Variants in KCNJ6 observed in about 807,000 individuals in gnomAD.
The protein encoded by KCNJ6 is potassium inwardly rectifying channel subfamily J member 6, also known as G protein-activated inward rectifier potassium channel 2.
KCNJ6 carries 9 observed loss-of-function variants against 34.2 expected under a neutral mutation model. That is an observed-to-expected ratio of 0.26 (90% confidence interval 0.16 to 0.46). The LOEUF (loss-of-function observed/expected upper bound fraction) is 0.46, where lower values mean the gene tolerates loss of function less well. Among genes scored for constraint, KCNJ6 ranks in the 20% least tolerant of loss-of-function variants. KCNJ6 has a pLI of 1.00. For synonymous variants in KCNJ6, 196 were observed against 207.1 expected, an observed-to-expected ratio of 0.95 and a Z score of 0.46; for missense variants, 236 against 531.3, an observed-to-expected ratio of 0.44 and a Z score of 5.46.
chr21:37,708,173 T>C (rs2054731244), intron 3 of KCNJ6, among the ~76,000 whole-genome samples: 1 of 152,224 alleles, frequency 6.6e-6, no homozygotes, highest in African/African-American at 2.4e-5. Context: ...CAGTAATATA[T>C]GGTGACCTTG....
intron 2 of KCNJ6, among the ~76,000 whole-genome samples, chr21:37,726,213 C>T (rs762739487): frequency 3.7e-4 from 56 of 152,186 alleles, no homozygotes; most frequent in Non-Finnish European, 7.9e-4. Flanking sequence ...GCCAGGCTTA[C>T]ATTTAAAATC....
intron 2 of KCNJ6, among the ~76,000 whole-genome samples, chr21:37,760,180 T>C (rs2055053611): frequency 6.6e-6 from 1 of 152,216 alleles, no homozygotes; most frequent in East Asian, 1.9e-4. Flanking sequence ...AAGCTGGTCC[T>C]GAATTCCTGA....
intron 3 of KCNJ6, among the ~76,000 whole-genome samples, chr21:37,680,598 C>T (rs2054586504): frequency 6.6e-6 from 1 of 152,160 alleles, no homozygotes; most frequent in South Asian, 2.1e-4. Flanking sequence ...TCTGCTGAAG[C>T]CCTGAACAGA....
chr21:37,739,333 G>T (rs2054928270), intron 2 of KCNJ6, among the ~76,000 whole-genome samples: 1 of 152,220 alleles, frequency 6.6e-6, no homozygotes. Context: ...AGAACATCCA[G>T]TACTGAGGAA....
chr21:37,782,301 G>A (rs186696681), intron 2 of KCNJ6, among the ~76,000 whole-genome samples: 3 of 152,296 alleles, frequency 2.0e-5, no homozygotes, highest in Admixed American at 2.0e-4. Flanking sequence ...CTGACCTCCA[G>A]AACTGGCAGA....
intron 1 of KCNJ6, among the ~76,000 whole-genome samples, chr21:37,851,332 G>A (rs1356596968): frequency 6.6e-6 from 1 of 152,134 alleles, no homozygotes; most frequent in East Asian, 1.9e-4. Flanking sequence ...AAAAGTGTAG[G>A]GTGCAGAAAG....
intron 2 of KCNJ6, among the ~76,000 whole-genome samples, chr21:37,832,773 G>C (rs1410288929): frequency 6.6e-6 from 1 of 152,124 alleles, no homozygotes; most frequent in Non-Finnish European, 1.5e-5. Context: ...GCTCCACTGG[G>C]AGCCTGGAGG....
At chr21:37,648,832 C>T (rs1335014117) in intron 3 of KCNJ6, among the ~76,000 whole-genome samples, 1 of 151,958 alleles carries the variant, frequency 6.6e-6, no homozygotes, top group African/African-American at 2.4e-5. Flanking sequence ...ATCAGGTCAC[C>T]TACAGAAAGG....
intron 3 of KCNJ6, among the ~76,000 whole-genome samples, chr21:37,658,109 G>A (rs983483672): frequency 6.8e-6 from 1 of 147,836 alleles, no homozygotes; most frequent in Non-Finnish European, 1.5e-5. Flanking sequence ...TTCTAACCTG[G>A]TGGGGGCAGG....
intron 2 of KCNJ6, among the ~76,000 whole-genome samples, chr21:37,727,082 A>G (rs1300138305): frequency 1.3e-5 from 2 of 152,182 alleles, no homozygotes; most frequent in Non-Finnish European, 2.9e-5. Context: ...CAGAGACTGC[A>G]GAGATGTGGT....
intron 2 of KCNJ6, among the ~76,000 whole-genome samples, chr21:37,732,863 C>A (rs924893246): frequency 6.6e-6 from 1 of 152,156 alleles, no homozygotes; most frequent in African/African-American, 2.4e-5. Flanking sequence ...GCAGTGACCA[C>A]ATAGTTGAGG....
intron 2 of KCNJ6, among the ~76,000 whole-genome samples, chr21:37,734,223 C>T (rs562256281): frequency 4.1e-4 from 62 of 152,192 alleles, no homozygotes; most frequent in African/African-American, 1.4e-3. Flanking sequence ...ACTTCACTAG[C>T]GGGGAGAAAC....
At chr21:37,722,074 G>A (rs1286498167) in intron 2 of KCNJ6, among the ~76,000 whole-genome samples, 1 of 152,042 alleles carries the variant, frequency 6.6e-6, no homozygotes, top group Non-Finnish European at 1.5e-5. Context: ...AAGGCTCCTG[G>A]AACTGATAAA....
At chr21:37,863,895 A>T (rs2055608614) in intron 1 of KCNJ6, among the ~76,000 whole-genome samples, 2 of 118,558 alleles carry the variant, frequency 1.7e-5, no homozygotes, top group Admixed American at 1.0e-4. Flanking sequence ...AGAGAAGGTG[A>T]GCTTCTGCTA....
intron 2 of KCNJ6, among the ~76,000 whole-genome samples, chr21:37,832,157 TC>T (rs909395194): frequency 1.3e-5 from 2 of 152,088 alleles, no homozygotes; most frequent in African/African-American, 4.8e-5. Context: ...AACTGAGTTG[TC>T]AAGAGTAATG....
chr21:37,673,634 A>G (rs964998458), intron 3 of KCNJ6, among the ~76,000 whole-genome samples: 1 of 152,242 alleles, frequency 6.6e-6, no homozygotes, highest in Non-Finnish European at 1.5e-5. Flanking sequence ...TGAGACAGAA[A>G]TGAGGACACA....
In KCNJ6 at chr21:37,846,011, T is replaced by C. The variant is rs576038731; in HGVS notation, c.-27-5302A>G. ...CATGATGATATATTTGAGTAAAACA[T>C]GTTCACAGATGCTGAAAAAAAAACA... On this transcript the variant is annotated intron_variant, in intron 1 of 3. Transcript: ENST00000609713. 2.0e-5 allele frequency among the ~76,000 whole-genome samples: 3 copies of C among 152,290 alleles called. No individual in the cohort carries two copies. In the East Asian group the frequency reaches 5.8e-4, roughly 29 times the overall value.
intron 1 of KCNJ6, among the ~76,000 whole-genome samples, chr21:37,874,808 C>T (rs776332506): frequency 6.6e-6 from 1 of 152,132 alleles, no homozygotes; most frequent in African/African-American, 2.4e-5. Flanking sequence ...CTTAGAAAGC[C>T]CTTTAAACAC....
rs555259118 is a variant in KCNJ6, at chr21:37,758,364, C to T, written c.26-43233G>A. Among the ~76,000 whole-genome samples, 12 of 152,256 alleles carry T rather than the reference C, an allele frequency of 7.9e-5. 1 individual carries two copies. The highest frequency in any genetic ancestry group is 4.1e-4 in the South Asian group (2 of 4,822). ...AGTTATTTTGGGAGAAGTTACCCTG[C>T]GCCAGGTGCTGTAAATATCACCTCC... On this transcript the variant is annotated intron_variant, in intron 2 of 3. Transcript: ENST00000609713.
Sources: allele counts gnomAD v4.1 joint callset (sites outside exome capture counted in the v4.1 genomes callset), GRCh38; gene constraint gnomAD v4.1.1; transcripts MANE v1.5; gene names NCBI Gene and HGNC (gene_info 2026-07-23, HGNC 2026-07-21).